Variants in TNIK observed in about 807,000 individuals in gnomAD.
TNIK encodes TRAF2 and NCK-interacting protein kinase.
TNIK carries 49 observed loss-of-function variants against 191.3 expected under a neutral mutation model. The observed-to-expected ratio is 0.26, with a 90% CI of 0.20 to 0.32. The LOEUF (loss-of-function observed/expected upper bound fraction) is 0.32, where lower values mean the gene tolerates loss of function less well. TNIK is among the 10% of genes least tolerant of loss of function. TNIK has a pLI of 1.00. For missense variants in TNIK, 1,155 were observed against 1,702.3 expected (o/e 0.68, Z 5.66); for synonymous variants, 594 against 600.9 (o/e 0.99, Z 0.17).
intron 1 of TNIK, among the ~76,000 whole-genome samples, chr3:171,380,952 C>A (rs1326344424): frequency 6.6e-6 from 1 of 152,208 alleles, no homozygotes; most frequent in Non-Finnish European, 1.5e-5. Flanking sequence ...AGGTACAAAC[C>A]AATCTTAGTC....
intron 1 of TNIK, among the ~76,000 whole-genome samples, chr3:171,415,991 A>AG (rs1723009865): frequency 1.4e-5 from 2 of 147,208 alleles, no homozygotes; most frequent in Non-Finnish European, 3.0e-5. Context: ...AAAAAAAAAA[A>AG]AAAAAAGAAA....
chr3:171,412,956 G>A (rs866988265), intron 1 of TNIK, among the ~76,000 whole-genome samples: 4 of 152,148 alleles, frequency 2.6e-5, no homozygotes, highest in Non-Finnish European at 5.9e-5. Flanking sequence ...GAAGCATCAG[G>A]AACATGCACA....
chr3:171,292,112 C>A (rs1006586301), intron 2 of TNIK, among the ~76,000 whole-genome samples: 2 of 152,124 alleles, frequency 1.3e-5, no homozygotes, highest in Non-Finnish European at 2.9e-5. Flanking sequence ...CTGAAATTCC[C>A]TATATTTTCA....
intron 2 of TNIK, among the ~76,000 whole-genome samples, chr3:171,305,520 A>C (rs1209154211): frequency 6.6e-6 from 1 of 152,222 alleles, no homozygotes. Context: ...TGTACAAGCA[A>C]AACACAAACA....
chr3:171,350,639 T>A (rs1307857207), intron 2 of TNIK, among the ~76,000 whole-genome samples: 1 of 145,098 alleles, frequency 6.9e-6, no homozygotes, highest in Admixed American at 6.8e-5. Context: ...AACTCAATCC[T>A]GTAACTGAAT....
intron 3 of TNIK, among the ~76,000 whole-genome samples, chr3:171,221,905 C>T (rs1577164493): frequency 6.6e-6 from 1 of 152,250 alleles, no homozygotes; most frequent in South Asian, 2.1e-4. Context: ...AAATATACAA[C>T]TACAGGATTT....
chr3:171,242,184 G>C (rs987937980), intron 2 of TNIK, among the ~76,000 whole-genome samples: 1 of 151,224 alleles, frequency 6.6e-6, no homozygotes, highest in East Asian at 1.9e-4. Flanking sequence ...GAATGAGGCT[G>C]TGCTTTTTGA....
chr3:171,213,343 G>A (rs1577138430), intron 3 of TNIK, among the ~76,000 whole-genome samples: 1 of 152,142 alleles, frequency 6.6e-6, no homozygotes. Flanking sequence ...GCACAGCATC[G>A]ACAGCTGCTT....
At chr3:171,265,623 A>C (rs899566184) in intron 2 of TNIK, among the ~76,000 whole-genome samples, 1 of 152,246 alleles carries the variant, frequency 6.6e-6, no homozygotes, top group Non-Finnish European at 1.5e-5. Context: ...AACAAAATAC[A>C]TATGCAAGAA....
At chr3:171,167,572 A>C (rs903289147) in intron 9 of TNIK, among the ~76,000 whole-genome samples, 5 of 152,230 alleles carry the variant, frequency 3.3e-5, no homozygotes, top group Admixed American at 1.3e-4. Context: ...AAAGACCCCT[A>C]TGGGAATCAC....
intron 1 of TNIK, among the ~76,000 whole-genome samples, chr3:171,386,690 T>C (rs1029759614): frequency 6.6e-6 from 1 of 152,192 alleles, no homozygotes; most frequent in East Asian, 1.9e-4. Context: ...CTATTGTCCA[T>C]ATAGAATAGA....
chr3:171,363,801 A>G (rs1335207950), intron 2 of TNIK, among the ~76,000 whole-genome samples: 1 of 152,246 alleles, frequency 6.6e-6, no homozygotes, highest in Admixed American at 6.5e-5. Flanking sequence ...AGTTTTGACA[A>G]TATTGATTCT....
chr3:171,215,074 C>T (rs555908912), intron 3 of TNIK, among the ~76,000 whole-genome samples: 7 of 152,092 alleles, frequency 4.6e-5, no homozygotes, highest in Admixed American at 2.0e-4. Flanking sequence ...ATTAGCAAAT[C>T]GGATGAAGAA....
chr3:171,359,405 T>C (rs1714644082), intron 2 of TNIK, among the ~76,000 whole-genome samples: 1 of 152,232 alleles, frequency 6.6e-6, no homozygotes, highest in African/African-American at 2.4e-5. Flanking sequence ...ATTATCATGA[T>C]TGTTGTAACA....
intron 1 of TNIK, among the ~76,000 whole-genome samples, chr3:171,430,632 GTC>G (rs1725252609): frequency 8.6e-6 from 1 of 116,434 alleles, no homozygotes; most frequent in African/African-American, 3.3e-5. Flanking sequence ...GTGACACCTT[GTC>G]TCAAAAAACA....
Position 171,108,125 on chromosome 3 carries a change from A to C in TNIK, c.2322T>G (p.His774Gln). ...SKSEGSPVLP[H>Q]EPAKVKPEES... ...CTTCTGGTTTCACCTTCGCAGGCTC[A>C]TGGGGGAGCACAGGTGATCCTTCTG... Residue 774 changes from histidine to glutamine, a missense_variant, in exon 20 of 33, where the codon CAT becomes CAG. Coordinates refer to ENST00000436636, the MANE Select transcript of TNIK (RefSeq NM_015028.4). The C allele has an allele frequency of 6.3e-7, 1 of 1,576,908 alleles. No homozygotes were observed. Among genetic ancestry groups the C allele is most frequent in the Non-Finnish European group, 8.6e-7 (1 of 1,160,210 alleles).
intron 2 of TNIK, among the ~76,000 whole-genome samples, chr3:171,334,129 G>A (rs931360838): frequency 2.0e-5 from 3 of 152,186 alleles, no homozygotes; most frequent in Non-Finnish European, 4.4e-5. Flanking sequence ...CACAATGACT[G>A]TGCACCAGAC....
intron 2 of TNIK, among the ~76,000 whole-genome samples, chr3:171,340,103 G>T (rs1345266055): frequency 6.6e-6 from 1 of 151,918 alleles, no homozygotes; most frequent in Non-Finnish European, 1.5e-5. Context: ...ATATTATAAA[G>T]AATATTTGAT....
At chr3:171,254,558 T>C (rs1746617216) in intron 2 of TNIK, among the ~76,000 whole-genome samples, 1 of 152,210 alleles carries the variant, frequency 6.6e-6, no homozygotes, top group Non-Finnish European at 1.5e-5. Flanking sequence ...CCCAGATGTT[T>C]TGTAGTATTC....
Sources: allele counts gnomAD v4.1 joint callset (sites outside exome capture counted in the v4.1 genomes callset), GRCh38; gene constraint gnomAD v4.1.1; transcripts MANE v1.5; gene names NCBI Gene and HGNC (gene_info 2026-07-23, HGNC 2026-07-21).